The following RNF216 variants were observed in gnomAD, a reference collection of about 807,000 sequenced individuals.
RNF216 encodes E3 ubiquitin-protein ligase RNF216.
A neutral mutation model predicts 110.8 loss-of-function variants in RNF216; 72 were observed. That is an observed-to-expected ratio of 0.65 (90% CI 0.54 to 0.79). The LOEUF (loss-of-function observed/expected upper bound fraction) is 0.79. Among genes scored for constraint, RNF216 ranks in the 30% least tolerant of loss-of-function variants. The pLI, the probability that RNF216 is intolerant of heterozygous loss-of-function variation, is 0.00. For missense variants in RNF216, 1,342 were observed against 1,141.2 expected (o/e 1.18, Z -2.54); for synonymous variants, 495 against 407.5 (o/e 1.21, Z -2.59).
rs1026976095 is a variant in RNF216 at position 5,696,591 on chromosome 7, C to T, written c.2061+15170G>A. 5.3e-5 allele frequency among the ~76,000 whole-genome samples: 8 copies of T among 152,164 alleles called. No individual in the cohort carries two copies. The highest frequency in any genetic ancestry group is 2.1e-4 in the South Asian group (1 of 4,830). Reference sequence around the variant, plus strand: ...TGCCCAAGATCGTGTCCTATGGTCTCGCTTCGGCCGCTCTTCACCAAAGCC... The same window carrying T: ...TGCCCAAGATCGTGTCCTATGGTCTTGCTTCGGCCGCTCTTCACCAAAGCC... On this transcript the variant is annotated intron_variant, in intron 13 of 16. Transcript: ENST00000389902. This position sits in a 1 kb window ranked among gnomAD's most constrained non-coding sequence, Gnocchi z 5.4.
At chr7:5,707,733 T>G (rs1377854887) in intron 13 of RNF216, among the ~76,000 whole-genome samples, 13 of 145,582 alleles carry the variant, frequency 8.9e-5, no homozygotes, top group African/African-American at 2.6e-4. Flanking sequence ...TTTTTTTTTT[T>G]TTTTTTTTGT....
At chr7:5,744,716 T>C (rs189992983) in intron 3 of RNF216, among the ~76,000 whole-genome samples, 3 of 152,354 alleles carry the variant, frequency 2.0e-5, no homozygotes, top group Middle Eastern at 3.4e-3. Flanking sequence ...CTTATGCCTA[T>C]AATCCCAGCA....
intron 14 of RNF216, among the ~76,000 whole-genome samples, chr7:5,643,989 T>C (rs1268794247): frequency 6.6e-6 from 1 of 152,230 alleles, no homozygotes; most frequent in Admixed American, 6.5e-5. Context: ...TGTTGTTTTC[T>C]AGGTTCACCT....
intron 6 of RNF216, among the ~76,000 whole-genome samples, chr7:5,730,138 T>A (rs548749435): frequency 6.6e-6 from 1 of 152,344 alleles, no homozygotes; most frequent in Non-Finnish European, 1.5e-5. Context: ...AAAAAAGATA[T>A]TCCACTCTGG....
intron 1 of RNF216, among the ~76,000 whole-genome samples, chr7:5,776,664 A>G (rs571627384): frequency 3.8e-4 from 58 of 151,096 alleles, no homozygotes; most frequent in Non-Finnish European, 2.9e-4. Flanking sequence ...AGGAATAGCC[A>G]TATCAAGCTA....
Position 5,621,176 on chromosome 7 carries a change from T to G in RNF216, c.*1684A>C, listed in dbSNP as rs941643816. ...CAGAAAGAATGGGTATCTTAGTTTT[T>G]TTTTTTTTTTTTTTAAAGATAGAGT... is the stretch of plus-strand genomic sequence containing the variant. On this transcript the variant is annotated 3_prime_UTR_variant, in exon 17 of 17. Transcript: ENST00000389902. The G allele has an allele frequency of 1.3e-5, 2 of 151,722 alleles. No homozygotes were observed. The highest frequency in any genetic ancestry group is 3.9e-4 in the East Asian group (2 of 5,184). The allele number at this position is 151,722 out of a possible 1,614,324, so 9.4% of individuals were successfully genotyped here. A position where few individuals can be genotyped will look rare whatever the true frequency, so the allele number is the denominator to read the frequency against.
At chr7:5,709,028 G>A (rs1562414420) in intron 13 of RNF216, among the ~76,000 whole-genome samples, 2 of 152,112 alleles carry the variant, frequency 1.3e-5, no homozygotes, top group African/African-American at 2.4e-5. Flanking sequence ...GTGCTTCATC[G>A]AGTGAGACAG....
At chr7:5,738,387 G>A (rs534429894) in intron 5 of RNF216, among the ~76,000 whole-genome samples, 83 of 151,966 alleles carry the variant, frequency 5.5e-4, no homozygotes, top group African/African-American at 1.7e-3. Flanking sequence ...CATATGTCTG[G>A]CCCGTATTTA....
rs749174011 is a variant in RNF216 at position 5,715,131 on chromosome 7, C to T, written c.1755G>A (p.Thr585=). ...AGAACAAGTGAGCATCTGCGCACTG[C>T]GTCAGCTCCTCGAATGGAAATTCCC... ...CYGEFPFEEL[T]QCADAHLFCK... Residue 585 remains threonine (T), a synonymous_variant, in exon 11 of 17, where the codon ACG becomes ACA. Transcript: ENST00000389902. The T allele has an allele frequency of 2.3e-5, 37 of 1,613,812 alleles. No homozygotes were observed. The Middle Eastern group carries it at 9.9e-4, about 43-fold the overall frequency.
At chr7:5,768,289 A>AG (rs1279726612) in intron 1 of RNF216, among the ~76,000 whole-genome samples, 7 of 91,498 alleles carry the variant, frequency 7.7e-5, no homozygotes, top group Admixed American at 1.2e-4. Context: ...TGTCGCTATT[A>AG]GGGGGAAAAA....
intron 13 of RNF216, among the ~76,000 whole-genome samples, chr7:5,703,419 T>C (rs1327660353): frequency 2.6e-5 from 4 of 152,254 alleles, no homozygotes; most frequent in African/African-American, 4.8e-5. Flanking sequence ...CTGGCATTGA[T>C]AGCTGGTCCA....
chr7:5,670,364 TGA>T (rs1789823691), intron 13 of RNF216, among the ~76,000 whole-genome samples: 1 of 152,198 alleles, frequency 6.6e-6, no homozygotes, highest in African/African-American at 2.4e-5. Flanking sequence ...CCCAGCCATG[TGA>T]TAGTGGGCTC....
At chr7:5,625,264 G>C (rs1342048792) in intron 15 of RNF216, among the ~76,000 whole-genome samples, 1 of 152,376 alleles carries the variant, frequency 6.6e-6, no homozygotes, top group South Asian at 2.1e-4. Flanking sequence ...GAGCAGCCGA[G>C]CTGGGGAGAA....
At chr7:5,771,338 G>C (rs1442697487) in intron 1 of RNF216, among the ~76,000 whole-genome samples, 1 of 152,038 alleles carries the variant, frequency 6.6e-6, no homozygotes, top group African/African-American at 2.4e-5. Flanking sequence ...CAATCTTAGA[G>C]GTGCAAAAGA....
chr7:5,665,247 T>C (rs937368758), intron 13 of RNF216, among the ~76,000 whole-genome samples: 15 of 152,198 alleles, frequency 9.9e-5, no homozygotes, highest in Non-Finnish European at 1.9e-4. Flanking sequence ...GGAGAACCTT[T>C]ACATTTCCAA....
intron 15 of RNF216, among the ~76,000 whole-genome samples, chr7:5,631,740 A>C (rs1787084340): frequency 6.6e-6 from 1 of 152,208 alleles, no homozygotes; most frequent in Non-Finnish European, 1.5e-5. Flanking sequence ...CATTGAACAA[A>C]ACAACACAGC....
At chr7:5,678,892 A>G (rs1437180936) in intron 13 of RNF216, among the ~76,000 whole-genome samples, 1 of 152,224 alleles carries the variant, frequency 6.6e-6, no homozygotes, top group Non-Finnish European at 1.5e-5. Context: ...CCGAGCTCCT[A>G]GAGAGGAAGT....
At position 5,741,653 on chromosome 7, in the gene RNF216, C is replaced by G; in HGVS notation, c.364G>C (p.Gly122Arg). The stretch of plus-strand genomic sequence containing the variant: ...TCATCCTCAGAATCATCCTGTGCCC[C>G]AGAATCAAACAATGGGTTGTTACAC... ...SVCNNPLFDS[G>R]AQDDSEDDYG... Residue 122 changes from glycine (G) to arginine (R), a missense_variant, in exon 4 of 17, where the codon GGG becomes CGG. Physicochemically the swap from Gly to Arg is moderately radical, Grantham distance 125. Transcript: ENST00000389902. 1.2e-6 allele frequency: 2 copies of G among 1,614,132 alleles called. No homozygotes were observed. Among genetic ancestry groups the G allele is most frequent in the South Asian group, 1.1e-5 (1 of 91,082 alleles).
At chr7:5,761,605 G>A (rs1795937823) in intron 1 of RNF216, among the ~76,000 whole-genome samples, 1 of 152,160 alleles carries the variant, frequency 6.6e-6, no homozygotes, top group Non-Finnish European at 1.5e-5. Flanking sequence ...GACCAACATG[G>A]TGAAATGCCA....
Sources: allele counts gnomAD v4.1 joint callset (sites outside exome capture counted in the v4.1 genomes callset), GRCh38; gene constraint gnomAD v4.1.1; non-coding constraint Gnocchi (gnomAD v3.1); transcripts MANE v1.5; gene names NCBI Gene and HGNC (gene_info 2026-07-23, HGNC 2026-07-21).